The following SLC16A1 variants were observed in gnomAD, a reference collection of about 807,000 sequenced individuals.
The protein encoded by SLC16A1 is solute carrier family 16 member 1, also known as monocarboxylate transporter 1.
A neutral mutation model predicts 32.2 loss-of-function variants in SLC16A1; 11 were observed. That is an observed-to-expected ratio of 0.34 (90% CI 0.21 to 0.56). SLC16A1 has a LOEUF of 0.56. Among genes scored for constraint, SLC16A1 ranks in the 20% least tolerant of loss-of-function variants. The pLI is 0.87. For missense variants in SLC16A1, 435 were observed against 615.0 expected (o/e 0.71, Z 3.10); for synonymous variants, 231 against 226.8 (o/e 1.02, Z -0.17).
At chr1:112,919,011 T>TTTCA (rs374042504) in intron 3 of SLC16A1, among the ~76,000 whole-genome samples, 1 of 144,224 alleles carries the variant, frequency 6.9e-6, no homozygotes, top group Admixed American at 6.9e-5. Flanking sequence ...TACTAATTTA[T>TTTCA]TTTATTTATT....
At chr1:112,923,870 C>T (rs1648829759) in intron 2 of SLC16A1, 9 of 1,516,930 alleles carry the variant, frequency 5.9e-6, no homozygotes, top group African/African-American at 2.7e-5. Context: ...TGTACAACGC[C>T]ACCACCCAGC....
At chr1:112,916,147 T>TG (rs1553207564) in intron 4 of SLC16A1, among the ~76,000 whole-genome samples, 2 of 151,542 alleles carry the variant, frequency 1.3e-5, no homozygotes, top group Non-Finnish European at 2.9e-5. Flanking sequence ...GTAGCTATTA[T>TG]TATACTACTG....
chr1:112,924,351 C>A, intron 2 of SLC16A1: 1 of 1,290,676 alleles, frequency 7.7e-7, no homozygotes, highest in East Asian at 2.3e-5. Flanking sequence ...CTAGGCCCAT[C>A]GTTTCTCAGG....
At chr1:112,934,529 T>C (rs999145147) in intron 1 of SLC16A1, among the ~76,000 whole-genome samples, 3 of 152,234 alleles carry the variant, frequency 2.0e-5, no homozygotes, top group African/African-American at 7.2e-5. Flanking sequence ...ATGTCAATTA[T>C]ACCTCAATAA....
At chr1:112,935,141 A>C (rs975376464) in intron 1 of SLC16A1, among the ~76,000 whole-genome samples, 1 of 152,230 alleles carries the variant, frequency 6.6e-6, no homozygotes. Flanking sequence ...TTAGCCAGGC[A>C]TGGTGGCTTG....
chr1:112,931,190 C>T (rs1259749081), intron 1 of SLC16A1, among the ~76,000 whole-genome samples: 2 of 151,952 alleles, frequency 1.3e-5, no homozygotes, highest in Non-Finnish European at 2.9e-5. Context: ...TTCTGAACAC[C>T]GAAAATTTTC....
intron 1 of SLC16A1, among the ~76,000 whole-genome samples, chr1:112,953,057 A>C (rs899829204): frequency 6.6e-6 from 1 of 151,990 alleles, no homozygotes; most frequent in Non-Finnish European, 1.5e-5. Context: ...ACACCACTCC[A>C]ACAGCCTCCT....
chr1:112,948,982 C>G (rs1334862085), intron 1 of SLC16A1, among the ~76,000 whole-genome samples: 2 of 152,134 alleles, frequency 1.3e-5, no homozygotes, highest in East Asian at 1.9e-4. Flanking sequence ...AGGCGCCCAC[C>G]ACCATGCCCG....
intron 1 of SLC16A1, among the ~76,000 whole-genome samples, chr1:112,950,617 C>T (rs2101653692): frequency 1.3e-5 from 2 of 152,298 alleles, no homozygotes; most frequent in Middle Eastern, 6.8e-3. Flanking sequence ...CAGTGACACC[C>T]TTCAATGGCT....
chr1:112,917,500 A>G lies in SLC16A1; in HGVS notation c.906T>C (p.Leu302=). 1 of 1,614,202 alleles carries G rather than the reference A, an allele frequency of 6.2e-7. No individual in the cohort carries two copies. The highest frequency in any genetic ancestry group is 8.5e-7 in the Non-Finnish European group (1 of 1,180,038). The stretch of plus-strand genomic sequence containing the variant: ...CCATGTCAACAAAAGCCAGAATGGA[A>G]AGAAGGAAGGCAGACTTCTCACTAG... ...HYSSEKSAFL[L]SILAFVDMVA... Residue 302 remains leucine (L), a synonymous_variant, in exon 4 of 5, where the codon CTT becomes CTC. Transcript: ENST00000369626. This position sits in a 1 kb window ranked among gnomAD's most constrained non-coding sequence, Gnocchi z 4.1.
intron 1 of SLC16A1, among the ~76,000 whole-genome samples, chr1:112,942,030 G>T (rs1472853249): frequency 6.6e-6 from 1 of 151,994 alleles, no homozygotes; most frequent in Non-Finnish European, 1.5e-5. Context: ...AGAGTACAAT[G>T]GTGCGATCTT....
intron 1 of SLC16A1, chr1:112,955,262 A>G (rs978367975): frequency 6.6e-6 from 1 of 152,190 alleles, no homozygotes; most frequent in Non-Finnish European, 1.5e-5. Context: ...TGCTGGAAAA[A>G]AAAAAAGACG....
In SLC16A1 at chr1:112,932,793, C is replaced by CAAAAAA. The variant is rs34232032; in HGVS notation, c.-44-3447_-44-3442dup. On this transcript the variant is annotated intron_variant, in intron 1 of 4. Transcript: ENST00000369626. ...TGGGTGACAAGGGGAGACTCCGTCG[C>CAAAAAA]AAAAAAAAAAAAAAAAAAAGGCCTG... Among the ~76,000 whole-genome samples, 18 of 57,112 alleles carry CAAAAAA rather than the reference C, an allele frequency of 3.2e-4. 1 individual carries two copies. Among genetic ancestry groups the CAAAAAA allele is most frequent in the African/African-American group, 9.8e-4 (14 of 14,344 alleles). 37.5% of individuals were successfully genotyped at this position (57,112 alleles called of 152,430 possible). A position where few individuals can be genotyped will look rare whatever the true frequency, so the allele number is the denominator to read the frequency against.
chr1:112,934,002 C>T (rs1465818248), intron 1 of SLC16A1, among the ~76,000 whole-genome samples: 1 of 152,022 alleles, frequency 6.6e-6, no homozygotes, highest in Non-Finnish European at 1.5e-5. Context: ...TAGAATACTA[C>T]TCAGCAATAA....
intron 1 of SLC16A1, among the ~76,000 whole-genome samples, chr1:112,943,120 G>A (rs967320379): frequency 6.6e-6 from 1 of 152,082 alleles, no homozygotes; most frequent in Non-Finnish European, 1.5e-5. Context: ...GGAGAATGAG[G>A]CTATTATATA....
chr1:112,943,845 C>A (rs1402544757), intron 1 of SLC16A1, among the ~76,000 whole-genome samples: 1 of 143,818 alleles, frequency 7.0e-6, no homozygotes, highest in Non-Finnish European at 1.5e-5. Context: ...ACACACCATA[C>A]AACTGTATCA....
intron 1 of SLC16A1, among the ~76,000 whole-genome samples, chr1:112,940,239 T>C (rs1363927841): frequency 6.6e-6 from 1 of 151,900 alleles, no homozygotes; most frequent in Non-Finnish European, 1.5e-5. Flanking sequence ...AGTTTTGCCG[T>C]GTTTCACAGG....
chr1:112,939,392 G>C (rs1375045597), intron 1 of SLC16A1, among the ~76,000 whole-genome samples: 1 of 152,128 alleles, frequency 6.6e-6, no homozygotes, highest in Non-Finnish European at 1.5e-5. Context: ...ATATCCAAAG[G>C]AACTGAAATC....
intron 4 of SLC16A1, among the ~76,000 whole-genome samples, chr1:112,916,687 T>G (rs181251310): frequency 1.0e-3 from 159 of 152,196 alleles, no homozygotes; most frequent in Non-Finnish European, 1.7e-3. Context: ...CCCAGCACTT[T>G]GGGAGGCTGA....
Sources: gnomAD v4.1 joint callset for allele counts (sites outside exome capture counted in the v4.1 genomes callset) on GRCh38, gnomAD v4.1.1 for gene constraint, Gnocchi (gnomAD v3.1) non-coding constraint, MANE v1.5 for transcripts, NCBI Gene and HGNC (gene_info 2026-07-23, HGNC 2026-07-21) for gene names.